The following TRIM62 variants were observed in gnomAD, a reference collection of about 807,000 sequenced individuals.
TRIM62 encodes the protein tripartite motif containing 62.
A neutral mutation model predicts 44.2 loss-of-function variants in TRIM62; 39 were observed. That is an observed-to-expected ratio of 0.88 (90% CI 0.68 to 1.15). The LOEUF is 1.15. Ranked by LOEUF, TRIM62 falls within the 50% of genes most tolerant of loss-of-function variation. The probability of loss-of-function intolerance (pLI) is 0.00; values close to 1 mark genes in which losing one functional copy is unlikely to be tolerated. For synonymous variants in TRIM62, 278 were observed against 292.3 expected, an observed-to-expected ratio of 0.95 and a Z score of 0.50; for missense variants, 544 against 665.5, an observed-to-expected ratio of 0.82 and a Z score of 2.01.
At chr1:33,156,413 T>C (rs769162192) in intron 4 of TRIM62, among the ~76,000 whole-genome samples, 23 of 152,348 alleles carry the variant, frequency 1.5e-4, no homozygotes, top group South Asian at 4.1e-4. Flanking sequence ...GAATAGTCTC[T>C]TCTGGGTTCT....
intron 2 of TRIM62, among the ~76,000 whole-genome samples, chr1:33,160,451 C>G (rs1490896453): frequency 6.6e-6 from 1 of 152,070 alleles, no homozygotes; most frequent in Non-Finnish European, 1.5e-5. Context: ...GTCACCCAGG[C>G]TGGAGTGTGA....
In TRIM62 at chr1:33,168,393, T is replaced by C. The variant is rs202158271; in HGVS notation, c.409-2827A>G. On this transcript the variant is annotated intron_variant, in intron 1 of 4. Coordinates refer to ENST00000291416, the MANE Select transcript of TRIM62 (RefSeq NM_018207.3). Reference sequence around the variant, plus strand: ...GCTGGCTGTCTGAGAAAAACTTTTTTTTTTAAATCCCCAACAGTGCCAATT... The same window carrying C: ...GCTGGCTGTCTGAGAAAAACTTTTTCTTTTAAATCCCCAACAGTGCCAATT... Among the ~76,000 whole-genome samples the C allele has an allele frequency of 3.2e-3, 487 of 151,948 alleles. 19 individuals carry two copies. In the East Asian group the frequency reaches 0.084, roughly 26 times the overall value.
At chr1:33,152,054 T>A (rs1454923803) in intron 4 of TRIM62, among the ~76,000 whole-genome samples, 1 of 152,184 alleles carries the variant, frequency 6.6e-6, no homozygotes, top group East Asian at 1.9e-4. Flanking sequence ...GCAAAAACAT[T>A]CTCACACTCA....
chr1:33,175,445 G>A (rs1402010794), intron 1 of TRIM62, among the ~76,000 whole-genome samples: 3 of 152,178 alleles, frequency 2.0e-5, no homozygotes, highest in Non-Finnish European at 4.4e-5. Context: ...GAAGGTAAAT[G>A]GTACTGGGAA....
intron 1 of TRIM62, chr1:33,166,226 A>G (rs1318015231): frequency 6.6e-6 from 1 of 152,308 alleles, no homozygotes; most frequent in Non-Finnish European, 1.5e-5. Context: ...ATCCTACATC[A>G]TGTTGAGTTG....
At chr1:33,174,370 GA>G (rs1176500646) in intron 1 of TRIM62, among the ~76,000 whole-genome samples, 1 of 152,106 alleles carries the variant, frequency 6.6e-6, no homozygotes, top group African/African-American at 2.4e-5. Flanking sequence ...TTTTTATAGA[GA>G]TAGGGTTTTG....
intron 4 of TRIM62, among the ~76,000 whole-genome samples, chr1:33,155,264 G>C (rs1200878384): frequency 6.6e-6 from 1 of 151,836 alleles, no homozygotes; most frequent in African/African-American, 2.4e-5. Context: ...TAGAGACGGG[G>C]TTTCACCATG....
intron 1 of TRIM62, among the ~76,000 whole-genome samples, chr1:33,179,211 G>C (rs1366475712): frequency 6.6e-6 from 1 of 152,260 alleles, no homozygotes; most frequent in Admixed American, 6.5e-5. Context: ...GATGGCTCTG[G>C]GGGTGGAGGG....
chr1:33,154,306 C>T (rs767943248), intron 4 of TRIM62, among the ~76,000 whole-genome samples: 16 of 152,090 alleles, frequency 1.1e-4, no homozygotes, highest in Non-Finnish European at 2.2e-4. Flanking sequence ...AGCCCTGGAG[C>T]AGGGAGCCTG....
At position 33,177,654 on chromosome 1, in the gene TRIM62, A is replaced by T. The variant is rs1645432426; in HGVS notation, c.408+3371T>A. ...TTGTCAATGCTTGGAGATGGTTTTG[A>T]TTGTCACAACTTGCGGGGTGGGTGG... On this transcript the variant is annotated intron_variant, in intron 1 of 4. Coordinates refer to ENST00000291416, the MANE Select transcript of TRIM62 (RefSeq NM_018207.3). This position sits in a 1 kb window ranked among gnomAD's most constrained non-coding sequence, Gnocchi z 4.1. Among the ~76,000 whole-genome samples, 1 of 152,038 alleles carries T rather than the reference A, an allele frequency of 6.6e-6. No homozygotes were observed.
intron 1 of TRIM62, among the ~76,000 whole-genome samples, chr1:33,170,091 A>C (rs1645361302): frequency 6.6e-6 from 1 of 152,192 alleles, no homozygotes; most frequent in African/African-American, 2.4e-5. Flanking sequence ...TGGGAGGCTG[A>C]GGCTGAGACC....
chr1:33,169,985 C>A (rs1220296756), intron 1 of TRIM62, among the ~76,000 whole-genome samples: 4 of 152,166 alleles, frequency 2.6e-5, no homozygotes, highest in Non-Finnish European at 5.9e-5. Context: ...CACACTTGTA[C>A]CCTGATGGCA....
chr1:33,172,071 G>A (rs1158124665), intron 1 of TRIM62, among the ~76,000 whole-genome samples: 2 of 152,092 alleles, frequency 1.3e-5, no homozygotes, highest in Admixed American at 6.6e-5. Context: ...CATCAGCCAT[G>A]GCACCGGACC....
At position 33,158,285 on chromosome 1, in the gene TRIM62, A is replaced by T. The variant is rs138912224; in HGVS notation, c.845T>A (p.Ile282Asn). Residue 282 changes from isoleucine to asparagine, a missense_variant, in exon 4 of 5, where the codon ATC (isoleucine) becomes AAC (asparagine). Physicochemically the swap from Ile to Asn is moderately radical, Grantham distance 149. Transcript: ENST00000291416. Reference sequence around the variant, plus strand: ...GATGTCCTGGAACAGGGACTTCCAGATGGTGTACTGCAGGGGGCCTGTGTA... The same window carrying T: ...GATGTCCTGGAACAGGGACTTCCAGTTGGTGTACTGCAGGGGGCCTGTGTA... ...SKYTGPLQYT[I>N]WKSLFQDIHP... is the part of the protein sequence containing the mutation. 6.2e-7 allele frequency: 1 copy of T among 1,614,048 alleles called. No homozygotes were observed. The highest frequency in any genetic ancestry group is 8.5e-7 in the Non-Finnish European group (1 of 1,179,936).
Position 33,165,632 on chromosome 1 carries a change from C to T in TRIM62, c.409-66G>A. The T allele has an allele frequency of 1.4e-6, 2 of 1,396,618 alleles. No homozygotes were observed. The highest frequency in any genetic ancestry group is 5.2e-5 in the East Asian group (2 of 38,230). The allele number at this position is 1,396,618 out of a possible 1,614,324, so 86.5% of individuals were successfully genotyped here. A position where few individuals can be genotyped will look rare whatever the true frequency, so the allele number is the denominator to read the frequency against. On this transcript the variant is annotated intron_variant, in intron 1 of 4. Transcript: ENST00000291416. The surrounding 1 kb of genome is among the most constrained non-coding windows in gnomAD (Gnocchi z 4.0). The stretch of plus-strand genomic sequence containing the variant: ...CCTGGCCCAGGCATTCAGCCCTGAC[C>T]ACTGCCAGGCGCTGGGGGTTAGCCT...
chr1:33,169,747 C>T (rs773460283), intron 1 of TRIM62, among the ~76,000 whole-genome samples: 3 of 152,208 alleles, frequency 2.0e-5, no homozygotes, highest in Non-Finnish European at 2.9e-5. Flanking sequence ...TTCAGCTCCT[C>T]GGTTGCACTG....
Position 33,146,815 on chromosome 1 carries a change from C to T in TRIM62, c.*362G>A, listed in dbSNP as rs2124707385. ...GTCTTTCGGGCTGCCAACTACTGGC[C>T]ATGCTCTGACACTTCCTGAGGTCAG... On this transcript the variant is annotated 3_prime_UTR_variant, in exon 5 of 5. Coordinates refer to ENST00000291416, the MANE Select transcript of TRIM62 (RefSeq NM_018207.3). The T allele has an allele frequency of 3.3e-6, 1 of 307,080 alleles. No individual in the cohort carries two copies. The highest frequency in any genetic ancestry group is 7.4e-5 in the East Asian group (1 of 13,580). 19.0% of individuals were successfully genotyped at this position (307,080 alleles called of 1,614,324 possible).
chr1:33,180,954 GACCCCACCCCCC>G, intron 1 of TRIM62, 59 bp downstream of exon 1: 1 of 883,072 alleles, frequency 1.1e-6, no homozygotes, highest in Non-Finnish European at 1.6e-6. Flanking sequence ...GTCCAGCCCT[GACCCCACCCCCC>G]GCCCGGCCCC....
rs1645017447 is a variant in TRIM62, at chr1:33,145,961, G to A, written c.*1216C>T. 2.1e-6 allele frequency: 1 copy of A among 470,250 alleles called. No individual in the cohort carries two copies. Among genetic ancestry groups the A allele is most frequent in the African/African-American group, 2.0e-5 (1 of 50,196 alleles). 29.1% of individuals were successfully genotyped at this position (470,250 alleles called of 1,614,324 possible). ...TTGTAAAAATTTAGATTTGGGAACTGAGTGAAGTGGGAGAGGGGCAGGCCT... is the reference window on the plus strand; with the variant it reads ...TTGTAAAAATTTAGATTTGGGAACTAAGTGAAGTGGGAGAGGGGCAGGCCT... On this transcript the variant is annotated 3_prime_UTR_variant, in exon 5 of 5. Transcript: ENST00000291416.
Sources: allele counts gnomAD v4.1 joint callset (sites outside exome capture counted in the v4.1 genomes callset), GRCh38; gene constraint gnomAD v4.1.1; non-coding constraint Gnocchi (gnomAD v3.1); transcripts MANE v1.5; gene names NCBI Gene and HGNC (gene_info 2026-07-23, HGNC 2026-07-21).